Variants in ZBTB16 observed in about 807,000 individuals in gnomAD.
The protein encoded by ZBTB16 is zinc finger and BTB domain containing 16, also known as zinc finger and BTB domain-containing protein 16.
A neutral mutation model predicts 56.8 loss-of-function variants in ZBTB16; 8 were observed. The observed-to-expected ratio is 0.14, with a 90% CI of 0.08 to 0.25. ZBTB16 has a LOEUF of 0.25. ZBTB16 is among the 10% of genes least tolerant of loss of function. The pLI is 1.00. For missense variants in ZBTB16, 625 were observed against 903.0 expected, an observed-to-expected ratio of 0.69 and a Z score of 3.95; for synonymous variants, 363 against 368.5, an observed-to-expected ratio of 0.98 and a Z score of 0.17.
At chr11:114,102,786 G>GA (rs1230394616) in intron 2 of ZBTB16, among the ~76,000 whole-genome samples, 4 of 152,218 alleles carry the variant, frequency 2.6e-5, no homozygotes, top group Admixed American at 6.5e-5. Flanking sequence ...AGCTATTCCA[G>GA]AAAAAAGGCC....
chr11:114,157,493 T>G (rs1942446718), intron 3 of ZBTB16, among the ~76,000 whole-genome samples: 1 of 152,224 alleles, frequency 6.6e-6, no homozygotes, highest in Non-Finnish European at 1.5e-5. Flanking sequence ...TGGTTTCTGC[T>G]TGCACCTTCC....
At chr11:114,212,099 G>A (rs981653222) in intron 4 of ZBTB16, among the ~76,000 whole-genome samples, 1 of 152,056 alleles carries the variant, frequency 6.6e-6, no homozygotes, top group African/African-American at 2.4e-5. Flanking sequence ...TGTGGACCGG[G>A]CGAGCTGTGC....
rs199600086 is a variant in ZBTB16, at chr11:114,068,249, G to T, written c.1268+3681G>T. 6.6e-5 allele frequency among the ~76,000 whole-genome samples: 10 copies of T among 152,160 alleles called. No homozygotes were observed. In the East Asian group the frequency reaches 1.2e-3, roughly 18 times the overall value. ...CTTGCATTTCTTCTTGGGGTGGGGG[G>T]GCAGAAGGGAATGGAGAGGAAATGA... is the stretch of plus-strand genomic sequence containing the variant. On this transcript the variant is annotated intron_variant, in intron 2 of 6. Coordinates refer to ENST00000335953, the MANE Select transcript of ZBTB16 (RefSeq NM_006006.6).
rs887410431 is a variant in ZBTB16 at position 114,064,700 on chromosome 11, T to G, written c.1268+132T>G. ...CAATTTGTGAAAAAACCAGAACACT[T>G]CTTCTAAAGTTCTGGCGGGGAGGGG... On this transcript the variant is annotated intron_variant, in intron 2 of 6. Coordinates refer to ENST00000335953, the MANE Select transcript of ZBTB16 (RefSeq NM_006006.6). The surrounding 1 kb of genome is among the most constrained non-coding windows in gnomAD (Gnocchi z 4.2). The G allele has an allele frequency of 1.7e-6, 2 of 1,207,090 alleles. No homozygotes were observed. Among genetic ancestry groups the G allele is most frequent in the Admixed American group, 2.0e-5 (1 of 49,704 alleles). 74.8% of individuals were successfully genotyped at this position (1,207,090 alleles called of 1,614,324 possible).
intron 2 of ZBTB16, among the ~76,000 whole-genome samples, chr11:114,099,892 C>T (rs1940548535): frequency 6.6e-6 from 1 of 152,232 alleles, no homozygotes; most frequent in Non-Finnish European, 1.5e-5. Context: ...GCCCATGACA[C>T]ACACTCTTCA....
At chr11:114,081,349 GAT>G (rs1172278336) in intron 2 of ZBTB16, among the ~76,000 whole-genome samples, 2 of 152,212 alleles carry the variant, frequency 1.3e-5, no homozygotes, top group Non-Finnish European at 2.9e-5. Context: ...GAGACCCAAA[GAT>G]TGCTAAGACA....
intron 4 of ZBTB16, among the ~76,000 whole-genome samples, chr11:114,236,669 C>T (rs1235024997): frequency 2.0e-5 from 3 of 152,202 alleles, no homozygotes; most frequent in African/African-American, 7.2e-5. Context: ...TCTGTCTGTA[C>T]CATGACTCTC....
Position 114,063,323 on chromosome 11 carries a change from T to C in ZBTB16, c.23T>C (p.Met8Thr), listed in dbSNP as rs1335150244. 1.9e-6 allele frequency: 3 copies of C among 1,614,008 alleles called. No individual in the cohort carries two copies. The highest frequency in any genetic ancestry group is 1.7e-6 in the Non-Finnish European group (2 of 1,180,026). MDLTKMG[M>T]IQLQNPSHPT... ...ACCATGGATCTGACAAAAATGGGCATGATCCAGCTGCAGAACCCTAGCCAC... is the reference window on the plus strand; with the variant it reads ...ACCATGGATCTGACAAAAATGGGCACGATCCAGCTGCAGAACCCTAGCCAC... Residue 8 changes from methionine (M) to threonine (T), a missense_variant, in exon 2 of 7, where the codon ATG (methionine) becomes ACG (threonine). Around this residue, in one of 6 missense-constraint regions of ZBTB16, gnomAD observed 54 missense variants for 159.4 expected, o/e 0.34. Coordinates refer to ENST00000335953, the MANE Select transcript of ZBTB16 (RefSeq NM_006006.6). The surrounding 1 kb of genome is among the most constrained non-coding windows in gnomAD (Gnocchi z 6.5).
At position 114,256,612 on chromosome 11, in the gene ZBTB16, C is replaced by T. The variant is rs974757704; in HGVS notation, c.*6057C>T. On this transcript the variant is annotated 3_prime_UTR_variant, in exon 7 of 7. Coordinates refer to ENST00000335953, the MANE Select transcript of ZBTB16 (RefSeq NM_006006.6). The stretch of plus-strand genomic sequence containing the variant: ...CAGAAATTTCTCAACAAGAAGCTTC[C>T]ACACAATCAAAGGTCCCTGCCTGCG... Among the ~76,000 whole-genome samples, 2 of 152,142 alleles carry T rather than the reference C, an allele frequency of 1.3e-5. No homozygotes were observed. Among genetic ancestry groups the T allele is most frequent in the Admixed American group, 1.3e-4 (2 of 15,282 alleles).
chr11:114,145,623 C>A (rs1237194938), intron 2 of ZBTB16, among the ~76,000 whole-genome samples: 1 of 152,050 alleles, frequency 6.6e-6, no homozygotes, highest in Non-Finnish European at 1.5e-5. Flanking sequence ...TATGTGGTTG[C>A]CAAAGGCTGG....
At chr11:114,121,694 A>G in intron 2 of ZBTB16, 7 of 411,144 alleles carry the variant, frequency 1.7e-5, no homozygotes, top group South Asian at 1.3e-4. Flanking sequence ...TTTGAGTGGT[A>G]GAACTGGAAT....
intron 3 of ZBTB16, among the ~76,000 whole-genome samples, chr11:114,185,811 T>C (rs1943347648): frequency 6.6e-6 from 1 of 152,170 alleles, no homozygotes; most frequent in Non-Finnish European, 1.5e-5. Flanking sequence ...ATGAAGACTA[T>C]TAGCCAGTGA....
In ZBTB16 at chr11:114,143,538, A is replaced by G. The variant is rs1942017370; in HGVS notation, c.1269-12799A>G. 6.6e-6 allele frequency among the ~76,000 whole-genome samples: 1 copy of G among 152,190 alleles called. No homozygotes were observed. The highest frequency in any genetic ancestry group is 1.5e-5 in the Non-Finnish European group (1 of 68,026). On this transcript the variant is annotated intron_variant, in intron 2 of 6. Transcript: ENST00000335953. This position sits in a 1 kb window ranked among gnomAD's most constrained non-coding sequence, Gnocchi z 6.4. ...CCTTTTGGAAGTATCAGGTTCCTGCAGGGAGATTACACAAAAATGTAGAAA... is the reference window on the plus strand; with the variant it reads ...CCTTTTGGAAGTATCAGGTTCCTGCGGGGAGATTACACAAAAATGTAGAAA...
chr11:114,220,211 G>A (rs1036122880), intron 4 of ZBTB16, among the ~76,000 whole-genome samples: 3 of 152,208 alleles, frequency 2.0e-5, no homozygotes, highest in African/African-American at 7.2e-5. Flanking sequence ...GAATAAATCA[G>A]CTCAGGCAGA....
chr11:114,077,490 C>T (rs189629292), intron 2 of ZBTB16, among the ~76,000 whole-genome samples: 23 of 152,160 alleles, frequency 1.5e-4, no homozygotes, highest in Admixed American at 1.2e-3. Context: ...TCCTACTGCC[C>T]TCTGACCCCC....
chr11:114,244,881 C>T (rs1944783753), intron 5 of ZBTB16, among the ~76,000 whole-genome samples: 1 of 152,184 alleles, frequency 6.6e-6, no homozygotes, highest in Non-Finnish European at 1.5e-5. Context: ...CCCCACCCGG[C>T]TGGGTGGCTG....
rs146014188 is a variant in ZBTB16 at position 114,069,779 on chromosome 11, G to A, written c.1268+5211G>A. Among the ~76,000 whole-genome samples the A allele has an allele frequency of 4.3e-4, 66 of 152,236 alleles. 1 individual carries two copies. The East Asian group carries it at 0.012, about 28-fold the overall frequency. ...AATGATATTAATAATACCTTTTATC[G>A]GTTGCAGCATTTTCTTCTTTGCAAA... On this transcript the variant is annotated intron_variant, in intron 2 of 6. Transcript: ENST00000335953.
intron 2 of ZBTB16, among the ~76,000 whole-genome samples, chr11:114,127,104 C>T (rs1489083952): frequency 6.6e-6 from 1 of 152,184 alleles, no homozygotes; most frequent in Non-Finnish European, 1.5e-5. Flanking sequence ...CCCCCAACTC[C>T]ACTATTCCCC....
At chr11:114,233,728 A>G (rs536156126) in intron 4 of ZBTB16, among the ~76,000 whole-genome samples, 1 of 150,592 alleles carries the variant, frequency 6.6e-6, no homozygotes, top group South Asian at 2.1e-4. Context: ...AAATCCATTC[A>G]TGTTACTTTT....
Sources: gnomAD v4.1 joint callset for allele counts (sites outside exome capture counted in the v4.1 genomes callset) on GRCh38, gnomAD v4.1.1 for gene constraint, gnomAD v4.1.1 regional missense constraint, Gnocchi (gnomAD v3.1) non-coding constraint, MANE v1.5 for transcripts, NCBI Gene and HGNC (gene_info 2026-07-23, HGNC 2026-07-21) for gene names.